The following R3HDM2 variants were observed in gnomAD, a reference collection of about 807,000 sequenced individuals.
The protein encoded by R3HDM2 is R3H domain-containing protein 2.
R3HDM2 carries 38 observed loss-of-function variants against 124.5 expected under a neutral mutation model. That is an observed-to-expected ratio of 0.31 (90% confidence interval 0.24 to 0.40). The LOEUF is 0.40. R3HDM2 is among the 10% of genes least tolerant of loss of function. The pLI, the probability that R3HDM2 is intolerant of heterozygous loss-of-function variation, is 1.00. For synonymous variants in R3HDM2, 391 were observed against 448.0 expected (o/e 0.87, Z 1.61); for missense variants, 869 against 1,236.9 (o/e 0.70, Z 4.46).
intron 8 of R3HDM2, 81 bp downstream of exon 8, chr12:57,297,247 A>T (rs1373625251): frequency 1.1e-5 from 8 of 738,116 alleles, no homozygotes; most frequent in Non-Finnish European, 1.6e-5. Flanking sequence ...CTTCAAGGGG[A>T]ACATCTCCTA....
At chr12:57,272,771 A>C (rs1487528912) in intron 14 of R3HDM2, among the ~76,000 whole-genome samples, 4 of 152,166 alleles carry the variant, frequency 2.6e-5, no homozygotes. Flanking sequence ...TCTCTTTGAC[A>C]AACAGGCAAT....
At chr12:57,279,666 T>A (rs1355607342) in intron 14 of R3HDM2, among the ~76,000 whole-genome samples, 6 of 151,800 alleles carry the variant, frequency 4.0e-5, no homozygotes, top group East Asian at 1.9e-4. Context: ...ATACATTTTT[T>A]AAAAATTAAA....
At chr12:57,340,600 A>G (rs917061055) in intron 2 of R3HDM2, among the ~76,000 whole-genome samples, 9 of 152,322 alleles carry the variant, frequency 5.9e-5, no homozygotes, top group Admixed American at 4.6e-4. Flanking sequence ...GAAAAATAAG[A>G]ATACCTAATG....
intron 14 of R3HDM2, among the ~76,000 whole-genome samples, chr12:57,274,835 A>G (rs1302176071): frequency 6.6e-6 from 1 of 152,254 alleles, no homozygotes; most frequent in Non-Finnish European, 1.5e-5. Context: ...AACAGATGGA[A>G]ACACATCTCA....
chr12:57,357,644 ATTT>A (rs35477289), intron 2 of R3HDM2, among the ~76,000 whole-genome samples: 1,682 of 127,416 alleles, frequency 0.013, 34 homozygotes, highest in African/African-American at 0.044. Context: ...AGTTTTGCTG[ATTT>A]TTTTTTTTTT....
intron 4 of R3HDM2, 87 bp downstream of exon 4, chr12:57,303,089 T>C (rs925744036): frequency 3.9e-6 from 5 of 1,284,952 alleles, no homozygotes; most frequent in Admixed American, 2.1e-5. Flanking sequence ...CCTACATAAT[T>C]TGAACAAACT....
chr12:57,254,925 C>T lies in R3HDM2; in HGVS notation c.2821G>A (p.Ala941Thr), dbSNP rs1675747332. The change falls in exon 24 of 24, where the codon GCT (alanine) becomes ACT (threonine). Residue 941 changes from alanine to threonine, a missense_variant. By Grantham distance (58) the Ala-to-Thr change is moderately conservative (BLOSUM62 0). This residue lies in a region of R3HDM2 where 602 missense variants were observed against 789.2 expected (regional missense o/e 0.76). Transcript: ENST00000402412. ...ACAGCCACAATGGTGTACAAGGCAG[C>T]GAGGTCCGAGTGGCGGCCATTCTCA... ...TAENGRHSDL[A>T]ALYTIVAVFP... The T allele has an allele frequency of 1.2e-6, 2 of 1,613,944 alleles. No homozygotes were observed. Among genetic ancestry groups the T allele is most frequent in the Non-Finnish European group, 1.7e-6 (2 of 1,179,970 alleles).
At chr12:57,419,809 C>T (rs562925350) in intron 1 of R3HDM2, among the ~76,000 whole-genome samples, 8 of 152,066 alleles carry the variant, frequency 5.3e-5, no homozygotes, top group African/African-American at 1.2e-4. Context: ...AATGCTCCCC[C>T]ACCTTTACAC....
At chr12:57,429,190 C>A (rs1448349155) in intron 1 of R3HDM2, among the ~76,000 whole-genome samples, 1 of 151,526 alleles carries the variant, frequency 6.6e-6, no homozygotes, top group Non-Finnish European at 1.5e-5. Context: ...AGTTCAAAAC[C>A]AGCCTGGGCA....
chr12:57,284,146 A>C, intron 12 of R3HDM2, 90 bp from the exon 13 acceptor site: 1 of 1,134,086 alleles, frequency 8.8e-7, no homozygotes, highest in Non-Finnish European at 1.3e-6. Flanking sequence ...CTCAATAACA[A>C]AGAATGGGTA....
intron 2 of R3HDM2, among the ~76,000 whole-genome samples, chr12:57,377,032 C>T (rs558463390): frequency 5.1e-4 from 77 of 149,716 alleles, no homozygotes; most frequent in Non-Finnish European, 7.4e-4. Context: ...TTTGTTTTTT[C>T]GCTCTTTGCA....
intron 2 of R3HDM2, among the ~76,000 whole-genome samples, chr12:57,354,774 A>G (rs995129744): frequency 1.3e-5 from 2 of 151,986 alleles, no homozygotes; most frequent in Admixed American, 6.6e-5. Context: ...TAAAACTTAC[A>G]TTTTCTGCCA....
At chr12:57,271,509 C>T (rs758707423) in intron 14 of R3HDM2, among the ~76,000 whole-genome samples, 7 of 152,128 alleles carry the variant, frequency 4.6e-5, no homozygotes, top group Non-Finnish European at 8.8e-5. Context: ...TCTGTAGTTT[C>T]ATTCCATTTT....
intron 11 of R3HDM2, among the ~76,000 whole-genome samples, chr12:57,291,917 C>A (rs1297513532): frequency 2.6e-5 from 4 of 152,196 alleles, no homozygotes; most frequent in African/African-American, 9.6e-5. Flanking sequence ...ATAGTCCACA[C>A]ATTTAAGAGT....
At chr12:57,419,732 G>A (rs574162249) in intron 1 of R3HDM2, among the ~76,000 whole-genome samples, 4 of 152,052 alleles carry the variant, frequency 2.6e-5, no homozygotes, top group South Asian at 2.1e-4. Flanking sequence ...GTAAGCCACC[G>A]TGCCCAGCCT....
chr12:57,412,128 T>C (rs931179687), intron 1 of R3HDM2, among the ~76,000 whole-genome samples: 1 of 152,234 alleles, frequency 6.6e-6, no homozygotes, highest in African/African-American at 2.4e-5. Flanking sequence ...TCTCCAGCAT[T>C]TCTTTATAAC....
intron 2 of R3HDM2, among the ~76,000 whole-genome samples, chr12:57,320,938 C>G (rs996512128): frequency 2.6e-5 from 4 of 151,976 alleles, no homozygotes; most frequent in African/African-American, 9.7e-5. Flanking sequence ...TCTGGTCTAC[C>G]CTGTGGCAAA....
At chr12:57,414,756 C>A (rs2069398451) in intron 1 of R3HDM2, among the ~76,000 whole-genome samples, 1 of 151,664 alleles carries the variant, frequency 6.6e-6, no homozygotes, top group South Asian at 2.1e-4. Context: ...TCACTTGTAC[C>A]CAGTAGGAGG....
chr12:57,256,182 A>T (rs1565812079), intron 22 of R3HDM2, 108 bp from the exon 23 acceptor site: 1 of 1,144,310 alleles, frequency 8.7e-7, no homozygotes, highest in African/African-American at 1.5e-5. Context: ...AGAGGACCCC[A>T]CCCCACTAGG....
Sources: allele counts gnomAD v4.1 joint callset (sites outside exome capture counted in the v4.1 genomes callset), GRCh38; gene constraint gnomAD v4.1.1; regional missense constraint gnomAD v4.1.1; transcripts MANE v1.5; gene names NCBI Gene and HGNC (gene_info 2026-07-23, HGNC 2026-07-21).